The following MAML3 variants were observed in gnomAD, a reference collection of about 807,000 sequenced individuals.
MAML3 encodes mastermind like transcriptional coactivator 3.
MAML3 carries 27 observed loss-of-function variants against 101.9 expected under a neutral mutation model. The observed-to-expected ratio is 0.27, with a 90% CI of 0.20 to 0.37. The LOEUF (loss-of-function observed/expected upper bound fraction) is 0.37, where lower values mean the gene tolerates loss of function less well. Ranked by LOEUF, MAML3 falls within the 10% of genes least tolerant of loss-of-function variation. The pLI is 1.00. For missense variants in MAML3, 1,316 were observed against 1,444.9 expected (o/e 0.91, Z 1.45); for synonymous variants, 501 against 555.9 (o/e 0.90, Z 1.39).
intron 1 of MAML3, among the ~76,000 whole-genome samples, chr4:140,033,517 G>A (rs1381398685): frequency 6.6e-6 from 1 of 152,176 alleles, no homozygotes; most frequent in East Asian, 1.9e-4. Context: ...AGCCTGAGGA[G>A]CATCTCAACT....
chr4:140,063,577 A>C (rs925721555), intron 1 of MAML3, among the ~76,000 whole-genome samples: 4 of 152,166 alleles, frequency 2.6e-5, no homozygotes, highest in Non-Finnish European at 5.9e-5. Flanking sequence ...TACTTCCCAC[A>C]GGGGCCAATA....
intron 1 of MAML3, chr4:140,133,253 A>G: frequency 3.0e-6 from 1 of 335,184 alleles, no homozygotes; most frequent in East Asian, 7.4e-5. Context: ...CTAAAACTAC[A>G]GTGGTCCTGC....
chr4:140,098,696 G>C (rs1171749880), intron 1 of MAML3, among the ~76,000 whole-genome samples: 1 of 152,210 alleles, frequency 6.6e-6, no homozygotes, highest in Non-Finnish European at 1.5e-5. Context: ...CATGAGTCCT[G>C]GGCACAAAGG....
intron 2 of MAML3, among the ~76,000 whole-genome samples, chr4:139,869,099 T>A (rs1731954584): frequency 1.3e-5 from 2 of 152,214 alleles, no homozygotes; most frequent in Admixed American, 6.5e-5. Flanking sequence ...TTCAATCCCA[T>A]GTTTGTGTGG....
chr4:139,742,036 T>G (rs186456257), intron 2 of MAML3, among the ~76,000 whole-genome samples: 1 of 152,012 alleles, frequency 6.6e-6, no homozygotes, highest in Admixed American at 6.5e-5. Flanking sequence ...CTCAAAGAGG[T>G]CTAACACAGC....
intron 1 of MAML3, among the ~76,000 whole-genome samples, chr4:140,028,270 T>A (rs1726857444): frequency 6.6e-6 from 1 of 152,176 alleles, no homozygotes; most frequent in South Asian, 2.1e-4. Context: ...GGCTTCTAAC[T>A]GGCAGTTCTG....
At chr4:139,860,237 A>G (rs749213869) in intron 2 of MAML3, among the ~76,000 whole-genome samples, 14 of 152,216 alleles carry the variant, frequency 9.2e-5, no homozygotes, top group Non-Finnish European at 1.5e-4. Flanking sequence ...CCAGCGCCCA[A>G]AAGAGGAGGC....
At chr4:140,026,596 A>G (rs748899085) in intron 1 of MAML3, among the ~76,000 whole-genome samples, 32 of 152,216 alleles carry the variant, frequency 2.1e-4, no homozygotes, top group Non-Finnish European at 3.2e-4. Context: ...TACGACAGAA[A>G]GAAACATTGA....
At chr4:140,018,431 A>G (rs958509493) in intron 1 of MAML3, among the ~76,000 whole-genome samples, 2 of 152,240 alleles carry the variant, frequency 1.3e-5, no homozygotes, top group African/African-American at 2.4e-5. Context: ...AATCTTGTTT[A>G]TCTTAATATA....
intron 1 of MAML3, among the ~76,000 whole-genome samples, chr4:139,998,740 TTTTG>T: frequency 1.3e-5 from 2 of 152,338 alleles, no homozygotes; most frequent in South Asian, 4.1e-4. Flanking sequence ...TTGCTTCTGT[TTTTG>T]TTTATTTCTT....
At chr4:140,052,701 A>G (rs982045306) in intron 1 of MAML3, among the ~76,000 whole-genome samples, 4 of 151,790 alleles carry the variant, frequency 2.6e-5, no homozygotes, top group African/African-American at 9.7e-5. Flanking sequence ...TACCCGGCTA[A>G]TTTTTGTATT....
At chr4:140,068,302 G>A (rs772089943) in intron 1 of MAML3, among the ~76,000 whole-genome samples, 15 of 152,072 alleles carry the variant, frequency 9.9e-5, no homozygotes, top group Non-Finnish European at 2.1e-4. Flanking sequence ...CCATCAACCT[G>A]AGCACACACA....
At chr4:140,075,166 A>G (rs1166071447) in intron 1 of MAML3, among the ~76,000 whole-genome samples, 1 of 152,176 alleles carries the variant, frequency 6.6e-6, no homozygotes, top group Admixed American at 6.6e-5. Flanking sequence ...ATTAGTGCCA[A>G]TTTATCCATA....
intron 1 of MAML3, among the ~76,000 whole-genome samples, chr4:139,949,303 C>T (rs542338562): frequency 6.6e-6 from 1 of 152,302 alleles, no homozygotes; most frequent in South Asian, 2.1e-4. Context: ...GCGTGAGCCA[C>T]CACACCCGGC....
intron 1 of MAML3, among the ~76,000 whole-genome samples, chr4:139,958,123 C>T (rs1733944852): frequency 6.6e-6 from 1 of 152,208 alleles, no homozygotes; most frequent in African/African-American, 2.4e-5. Context: ...TGAGCTGACC[C>T]AGACACAGTA....
chr4:140,117,398 T>G (rs1434655980), intron 1 of MAML3, among the ~76,000 whole-genome samples: 1 of 150,760 alleles, frequency 6.6e-6, no homozygotes, highest in Non-Finnish European at 1.5e-5. Flanking sequence ...TAAACTTTAA[T>G]GTGGTTTTAT....
intron 1 of MAML3, among the ~76,000 whole-genome samples, chr4:140,078,422 T>C (rs1221361506): frequency 6.6e-6 from 1 of 152,136 alleles, no homozygotes; most frequent in Non-Finnish European, 1.5e-5. Flanking sequence ...ACACAGAGCT[T>C]TGAGGAAAGC....
intron 1 of MAML3, among the ~76,000 whole-genome samples, chr4:140,090,518 A>G (rs529819575): frequency 6.6e-6 from 1 of 152,336 alleles, no homozygotes; most frequent in South Asian, 2.1e-4. Flanking sequence ...AGTTCTCAGA[A>G]CAATCCTGTA....
At chr4:140,096,322 T>C (rs1432867681) in intron 1 of MAML3, among the ~76,000 whole-genome samples, 1 of 152,182 alleles carries the variant, frequency 6.6e-6, no homozygotes, top group East Asian at 1.9e-4. Flanking sequence ...GTGTAGCTGC[T>C]TAAAACAGTT....
Sources: allele counts gnomAD v4.1 joint callset (sites outside exome capture counted in the v4.1 genomes callset), GRCh38; gene constraint gnomAD v4.1.1; transcripts MANE v1.5; gene names NCBI Gene and HGNC (gene_info 2026-07-23, HGNC 2026-07-21).